SVOPL: variants seen among roughly 807,000 people sequenced by gnomAD.
SVOPL encodes SVOP like, also known as putative transporter SVOPL.
In SVOPL, 60 loss-of-function variants were observed where a neutral mutation model predicts 61.0. That is an observed-to-expected ratio of 0.98 (90% CI 0.80 to 1.22). The LOEUF (loss-of-function observed/expected upper bound fraction) is 1.22. Ranked by LOEUF, SVOPL falls within the 50% of genes most tolerant of loss-of-function variation. The probability of loss-of-function intolerance (pLI) is 0.00; values close to 1 mark genes in which losing one functional copy is unlikely to be tolerated. For missense variants in SVOPL, 662 were observed against 643.9 expected (o/e 1.03, Z -0.30); for synonymous variants, 279 against 250.0 (o/e 1.12, Z -1.09).
At chr7:138,679,994 T>C (rs1426396327) in intron 1 of SVOPL, among the ~76,000 whole-genome samples, 3 of 152,150 alleles carry the variant, frequency 2.0e-5, no homozygotes, top group African/African-American at 2.4e-5. Flanking sequence ...ACCAGGACTC[T>C]GAGACCGGTA....
chr7:138,659,841 G>C, intron 6 of SVOPL, 23 bp downstream of exon 6: 1 of 1,550,520 alleles, frequency 6.4e-7, no homozygotes, highest in Non-Finnish European at 8.7e-7. Flanking sequence ...TCTGTCTCAG[G>C]GTCCCCTGGG....
chr7:138,680,168 CT>C (rs1232394704), intron 1 of SVOPL, among the ~76,000 whole-genome samples: 1,609 of 135,250 alleles, frequency 0.012, 17 homozygotes, highest in African/African-American at 0.035. Context: ...ATGTCATTGT[CT>C]TTTTTTTTTT....
In SVOPL at chr7:138,596,522, CAT is replaced by C. The variant is rs1296321037; in HGVS notation, c.1360_1361del (p.Met454GlufsTer38). On this transcript the variant is annotated frameshift_variant, in exon 15 of 16. Transcript: ENST00000674285. LOFTEE classifies it high-confidence loss of function. Reference protein sequence around the residue: ...MVAPFISQVLMSASILGALCL... With the variant: ...MVAPFISQVLXSASILGALCL... ...ACAGGGCCCCCAGTATTGATGCACT[CAT>C]AAGAACCTGCAAGTCACAAGAGAAT... is the stretch of plus-strand genomic sequence containing the variant. 1 of 1,613,508 alleles carries C rather than the reference CAT, an allele frequency of 6.2e-7. No homozygotes were observed. The highest frequency in any genetic ancestry group is 8.5e-7 in the Non-Finnish European group (1 of 1,179,688).
chr7:138,697,125 C>T (rs1803080100), intron 1 of SVOPL, among the ~76,000 whole-genome samples: 1 of 152,142 alleles, frequency 6.6e-6, no homozygotes, highest in African/African-American at 2.4e-5. Context: ...AATCCCAGCA[C>T]TTTGGGATGC....
intron 3 of SVOPL, among the ~76,000 whole-genome samples, chr7:138,673,701 A>T (rs1211255981): frequency 6.6e-6 from 1 of 152,214 alleles, no homozygotes; most frequent in Non-Finnish European, 1.5e-5. Flanking sequence ...TTCCTTCAGT[A>T]ATACAGAAGA....
chr7:138,626,236 C>G, intron 12 of SVOPL, 186 bp from the exon 13 acceptor site: 2 of 597,598 alleles, frequency 3.3e-6, no homozygotes, highest in South Asian at 4.0e-5. Context: ...AATCTTACTC[C>G]CACTGCCTTC....
intron 3 of SVOPL, among the ~76,000 whole-genome samples, chr7:138,672,665 A>G (rs1158536677): frequency 4.7e-5 from 7 of 150,454 alleles, no homozygotes; most frequent in Non-Finnish European, 8.9e-5. Flanking sequence ...TTAAAAAAAA[A>G]AAAAAAAAAA....
chr7:138,663,864 A>C (rs1250794032), intron 4 of SVOPL, among the ~76,000 whole-genome samples: 1 of 152,144 alleles, frequency 6.6e-6, no homozygotes, highest in African/African-American at 2.4e-5. Flanking sequence ...GGAAAACAAA[A>C]CAAACCAGAA....
chr7:138,671,750 T>C (rs1802422806), intron 4 of SVOPL, among the ~76,000 whole-genome samples: 1 of 152,248 alleles, frequency 6.6e-6, no homozygotes, highest in Non-Finnish European at 1.5e-5. Context: ...AAATAGCTTC[T>C]TTAGTGACCC....
At chr7:138,618,389 G>A (rs569900477) in intron 14 of SVOPL, among the ~76,000 whole-genome samples, 4 of 151,996 alleles carry the variant, frequency 2.6e-5, no homozygotes, top group East Asian at 2.0e-4. Flanking sequence ...GGCTGGGCAC[G>A]GTGGCTCACA....
chr7:138,658,293 C>A (rs79506521), intron 6 of SVOPL, among the ~76,000 whole-genome samples: 3,549 of 152,216 alleles, frequency 0.023, 181 homozygotes, highest in East Asian at 0.22. Context: ...ATTCCCCCCC[C>A]TCCCTTTTAC....
chr7:138,641,829 TATATAAC>T (rs1258700818), intron 9 of SVOPL, among the ~76,000 whole-genome samples: 81 of 133,782 alleles, frequency 6.1e-4, no homozygotes, highest in African/African-American at 1.6e-3. Context: ...TATATATATA[TATATAAC>T]ATATATATAT....
intron 3 of SVOPL, 147 bp from the exon 4 acceptor site, chr7:138,672,264 C>T: frequency 1.5e-6 from 1 of 678,224 alleles, no homozygotes; most frequent in Non-Finnish European, 2.5e-6. Context: ...CACTGCACTG[C>T]TAGTTGGATA....
At chr7:138,641,937 A>T (rs113077664) in intron 9 of SVOPL, among the ~76,000 whole-genome samples, 126,022 of 147,464 alleles carry the variant, frequency 0.85, 54,158 homozygotes, top group East Asian at 0.99. Context: ...ACACACACAC[A>T]CACACACACA....
chr7:138,699,719 G>C (rs1375305666), intron 1 of SVOPL, among the ~76,000 whole-genome samples: 4 of 152,174 alleles, frequency 2.6e-5, no homozygotes, highest in African/African-American at 7.2e-5. Context: ...GGCATAGTTG[G>C]TGCAGGGGGT....
intron 1 of SVOPL, among the ~76,000 whole-genome samples, chr7:138,686,000 A>G (rs571038084): frequency 6.6e-6 from 1 of 152,364 alleles, no homozygotes; most frequent in Non-Finnish European, 1.5e-5. Context: ...AGTTGTATAC[A>G]TTAAATATGT....
At chr7:138,695,341 A>G (rs1223040253) in intron 1 of SVOPL, among the ~76,000 whole-genome samples, 1 of 152,078 alleles carries the variant, frequency 6.6e-6, no homozygotes, top group Non-Finnish European at 1.5e-5. Flanking sequence ...GCAAAACCCC[A>G]TCTCTACCTC....
intron 7 of SVOPL, among the ~76,000 whole-genome samples, chr7:138,649,854 CAG>C (rs1227113998): frequency 1.3e-5 from 2 of 152,110 alleles, no homozygotes; most frequent in Non-Finnish European, 2.9e-5. Context: ...GTTTTTGAGA[CAG>C]AGTCTTGCTC....
At chr7:138,675,804 T>C (rs1802545772) in intron 3 of SVOPL, among the ~76,000 whole-genome samples, 2 of 152,096 alleles carry the variant, frequency 1.3e-5, no homozygotes, top group Admixed American at 6.6e-5. Context: ...CCATTCTGTC[T>C]GATTATCATT....
Sources: allele counts gnomAD v4.1 joint callset (sites outside exome capture counted in the v4.1 genomes callset), GRCh38; gene constraint gnomAD v4.1.1; transcripts MANE v1.5; gene names NCBI Gene and HGNC (gene_info 2026-07-23, HGNC 2026-07-21).